TRAM2: variants seen among roughly 807,000 people sequenced by gnomAD.
TRAM2 encodes the protein translocating chain-associated membrane protein 2.
Under a neutral mutation model 51.0 loss-of-function variants are expected in TRAM2, and 12 were observed. The observed-to-expected ratio is 0.24, with a 90% CI of 0.15 to 0.38. The LOEUF (loss-of-function observed/expected upper bound fraction) is 0.38. TRAM2 is among the 10% of genes least tolerant of loss of function. The pLI is 1.00. For synonymous variants in TRAM2, 175 were observed against 179.4 expected (o/e 0.98, Z 0.20); for missense variants, 361 against 462.0 (o/e 0.78, Z 2.00).
At chr6:52,511,705 T>A (rs2114065534) in intron 4 of TRAM2, among the ~76,000 whole-genome samples, 1 of 152,346 alleles carries the variant, frequency 6.6e-6, no homozygotes, top group African/African-American at 2.4e-5. Context: ...CCTATCAGCA[T>A]GCCTTTCGGG....
Position 52,525,864 on chromosome 6 carries a change from C to A in TRAM2, c.185-9127G>T, listed in dbSNP as rs1766767807. 2.6e-5 allele frequency among the ~76,000 whole-genome samples: 4 copies of A among 152,072 alleles called. 1 individual carries two copies. Among genetic ancestry groups the A allele is most frequent in the African/African-American group, 9.7e-5 (4 of 41,394 alleles). ...TAAAATGAGGTCATTAGGGTGGGAC[C>A]TGTTTCAATATGACTGGTGGTCTTC... On this transcript the variant is annotated intron_variant, in intron 2 of 10. Coordinates refer to ENST00000182527, the MANE Select transcript of TRAM2 (RefSeq NM_012288.4).
chr6:52,575,439 G>A (rs1354987604), intron 1 of TRAM2, among the ~76,000 whole-genome samples: 1 of 152,166 alleles, frequency 6.6e-6, no homozygotes, highest in Non-Finnish European at 1.5e-5. Flanking sequence ...CTGAACTAAA[G>A]GAGCACTATC....
At chr6:52,549,076 T>C (rs1052680210) in intron 1 of TRAM2, among the ~76,000 whole-genome samples, 2 of 152,174 alleles carry the variant, frequency 1.3e-5, no homozygotes, top group Non-Finnish European at 2.9e-5. Flanking sequence ...GGCCTAGAGA[T>C]ACAATGGTTT....
chr6:52,503,119 G>GA lies in TRAM2; in HGVS notation c.*77dup. On this transcript the variant is annotated 3_prime_UTR_variant, in exon 11 of 11. Coordinates refer to ENST00000182527, the MANE Select transcript of TRAM2 (RefSeq NM_012288.4). ...ACGGAGCATCACAGGCAGGAAGGAG[G>GA]AGGCAGGGAGGGGGCCTGGGCTCCT... 1 of 1,203,896 alleles carries GA rather than the reference G, an allele frequency of 8.3e-7. No homozygotes were observed. Among genetic ancestry groups the GA allele is most frequent in the Non-Finnish European group, 1.2e-6 (1 of 807,872 alleles). The allele number at this position is 1,203,896 out of a possible 1,614,324, so 74.6% of individuals were successfully genotyped here.
At chr6:52,508,438 A>C (rs1766389844) in intron 5 of TRAM2, 120 bp from the exon 6 acceptor site, 1 of 960,138 alleles carries the variant, frequency 1.0e-6, no homozygotes, top group Admixed American at 2.2e-5. Context: ...CTGGTCCAGG[A>C]GCAAGGGAGT....
At chr6:52,541,802 TG>T (rs1334346242) in intron 1 of TRAM2, among the ~76,000 whole-genome samples, 2 of 65,090 alleles carry the variant, frequency 3.1e-5, no homozygotes, top group African/African-American at 4.7e-5. Context: ...CAGTTTATTC[TG>T]TTTTTTTTTT....
intron 2 of TRAM2, among the ~76,000 whole-genome samples, chr6:52,521,563 G>A (rs911984448): frequency 6.6e-5 from 10 of 151,838 alleles, no homozygotes; most frequent in African/African-American, 2.2e-4. Context: ...CGGGCGTGGT[G>A]GCGGGCACCT....
chr6:52,520,613 A>G (rs746839365), intron 2 of TRAM2, among the ~76,000 whole-genome samples: 4 of 152,186 alleles, frequency 2.6e-5, no homozygotes, highest in Non-Finnish European at 5.9e-5. Flanking sequence ...TCGTCTGATC[A>G]TCCTAACTAT....
At chr6:52,515,886 C>G in intron 4 of TRAM2, 120 bp downstream of exon 4, 1 of 823,522 alleles carries the variant, frequency 1.2e-6, no homozygotes, top group Non-Finnish European at 2.0e-6. Context: ...AACTTGTTCC[C>G]CTTAACAGAA....
intron 1 of TRAM2, among the ~76,000 whole-genome samples, chr6:52,571,437 G>C (rs531821769): frequency 1.3e-5 from 2 of 152,178 alleles, no homozygotes; most frequent in Non-Finnish European, 2.9e-5. Flanking sequence ...TGACCGGTCC[G>C]GACAGCGCCC....
At chr6:52,552,430 A>G (rs765081374) in intron 1 of TRAM2, among the ~76,000 whole-genome samples, 1 of 152,216 alleles carries the variant, frequency 6.6e-6, no homozygotes, top group Non-Finnish European at 1.5e-5. Context: ...CTGTACATAT[A>G]TTACTAAGAG....
At chr6:52,542,204 C>A (rs1439576446) in intron 1 of TRAM2, among the ~76,000 whole-genome samples, 1 of 151,572 alleles carries the variant, frequency 6.6e-6, no homozygotes, top group African/African-American at 2.4e-5. Context: ...AGGAAAATTT[C>A]AGGCAGACAA....
chr6:52,509,781 C>G (rs376205149), intron 4 of TRAM2, among the ~76,000 whole-genome samples, 195 bp from the exon 5 acceptor site: 144 of 152,240 alleles, frequency 9.5e-4, no homozygotes, highest in African/African-American at 3.1e-3. Flanking sequence ...GTGGAAGAGT[C>G]ATGCTGGAGT....
chr6:52,557,919 G>A (rs985809709), intron 1 of TRAM2, among the ~76,000 whole-genome samples: 27 of 152,198 alleles, frequency 1.8e-4, no homozygotes, highest in African/African-American at 6.5e-4. Flanking sequence ...ATGAAGAAAA[G>A]GCACTTAGGA....
rs1047998749 is a variant in TRAM2 at position 52,502,151 on chromosome 6, C to T, written c.*1046G>A. On this transcript the variant is annotated 3_prime_UTR_variant, in exon 11 of 11. Transcript: ENST00000182527. ...CAAGGGACCAGCATGGGGCTGAAGC[C>T]CTTGAGACTTAGTGTTTCTGCAGCT... The T allele has an allele frequency of 6.6e-6, 1 of 152,238 alleles. No individual in the cohort carries two copies. Among genetic ancestry groups the T allele is most frequent in the African/African-American group, 2.4e-5 (1 of 41,448 alleles). 9.4% of individuals were successfully genotyped at this position (152,238 alleles called of 1,614,324 possible). A position where few individuals can be genotyped will look rare whatever the true frequency, so the allele number is the denominator to read the frequency against.
intron 1 of TRAM2, among the ~76,000 whole-genome samples, chr6:52,562,363 C>A (rs1243537084): frequency 6.6e-6 from 1 of 152,150 alleles, no homozygotes. Context: ...GAATGAGGAA[C>A]AGCTGGCCAA....
rs1013953946 is a variant in TRAM2 at position 52,499,333 on chromosome 6, A to T, written c.*3864T>A. On this transcript the variant is annotated 3_prime_UTR_variant, in exon 11 of 11. Transcript: ENST00000182527. The stretch of plus-strand genomic sequence containing the variant: ...CCTCTGTTAGAGGAGAGAGCTTAGA[A>T]CATCAAGAATTGAAGTTTGTGCACT... 7.2e-5 allele frequency: 11 copies of T among 152,192 alleles called. No homozygotes were observed. Among genetic ancestry groups the T allele is most frequent in the African/African-American group, 2.7e-4 (11 of 41,446 alleles). 9.4% of individuals were successfully genotyped at this position (152,192 alleles called of 1,614,324 possible). A position where few individuals can be genotyped will look rare whatever the true frequency, so the allele number is the denominator to read the frequency against.
chr6:52,566,953 C>T (rs1767599676), intron 1 of TRAM2, among the ~76,000 whole-genome samples: 1 of 152,244 alleles, frequency 6.6e-6, no homozygotes, highest in Admixed American at 6.5e-5. Context: ...TACTTGCCTC[C>T]TTTTATCTAT....
At chr6:52,552,627 C>T (rs747137334) in intron 1 of TRAM2, among the ~76,000 whole-genome samples, 16 of 152,180 alleles carry the variant, frequency 1.1e-4, no homozygotes, top group Non-Finnish European at 2.2e-4. Flanking sequence ...TTCTGTGACA[C>T]GGCTTCACTT....
Sources: allele counts gnomAD v4.1 joint callset (sites outside exome capture counted in the v4.1 genomes callset), GRCh38; gene constraint gnomAD v4.1.1; transcripts MANE v1.5; gene names NCBI Gene and HGNC (gene_info 2026-07-23, HGNC 2026-07-21).